The following ZNF385D variants were observed in gnomAD, a reference collection of about 807,000 sequenced individuals.
ZNF385D encodes zinc finger protein 385D.
Under a neutral mutation model 35.8 loss-of-function variants are expected in ZNF385D, and 15 were observed. The observed-to-expected ratio is 0.42, with a 90% CI of 0.28 to 0.64. The LOEUF is 0.64. Ranked by LOEUF, ZNF385D falls within the 30% of genes least tolerant of loss-of-function variation. The pLI is 0.23. For missense variants in ZNF385D, 474 were observed against 494.6 expected (o/e 0.96, Z 0.39); for synonymous variants, 212 against 186.8 (o/e 1.13, Z -1.10).
intron 2 of ZNF385D, among the ~76,000 whole-genome samples, chr3:21,572,262 A>G (rs1055780967): frequency 1.1e-4 from 16 of 152,190 alleles, no homozygotes; most frequent in African/African-American, 3.9e-4. Context: ...TTTATAATAC[A>G]ATACTTGTAC....
chr3:21,879,058 A>G (rs1698132694), intron 3 of ZNF385D, among the ~76,000 whole-genome samples: 1 of 152,000 alleles, frequency 6.6e-6, no homozygotes, highest in Admixed American at 6.6e-5. Flanking sequence ...GTTATTTTTC[A>G]TCATTTGAAT....
At position 22,110,357 on chromosome 3, in the gene ZNF385D, T is replaced by C. The variant is rs540062915; in HGVS notation, c.325+58460A>G. Among the ~76,000 whole-genome samples, 3 of 152,160 alleles carry C rather than the reference T, an allele frequency of 2.0e-5. No individual in the cohort carries two copies. In the East Asian group the frequency reaches 5.8e-4, roughly 29 times the overall value. On this transcript the variant is annotated intron_variant, in intron 3 of 5. Transcript: ENST00000494108. ...TGCACACATATGTTTATTGCGGCAC[T>C]ATTCACAATAGCAAAGACTTGGAAC...
At chr3:22,152,946 G>C (rs1705338536) in intron 3 of ZNF385D, among the ~76,000 whole-genome samples, 1 of 152,132 alleles carries the variant, frequency 6.6e-6, no homozygotes, top group African/African-American at 2.4e-5. Context: ...ACAACCAATT[G>C]TGTGTACCTC....
At chr3:21,801,803 C>T (rs2072417737) in intron 3 of ZNF385D, among the ~76,000 whole-genome samples, 1 of 152,054 alleles carries the variant, frequency 6.6e-6, no homozygotes, top group South Asian at 2.1e-4. Flanking sequence ...TTTAGAGTGC[C>T]CGTCCTGACC....
At chr3:22,266,076 A>AC (rs1700881094) in intron 2 of ZNF385D, among the ~76,000 whole-genome samples, 1 of 151,934 alleles carries the variant, frequency 6.6e-6, no homozygotes, top group Admixed American at 6.6e-5. Flanking sequence ...AATGACTCCT[A>AC]CAGCCCTGGA....
chr3:21,834,703 C>T (rs550085513), intron 3 of ZNF385D, among the ~76,000 whole-genome samples: 1 of 152,264 alleles, frequency 6.6e-6, no homozygotes, highest in South Asian at 2.1e-4. Flanking sequence ...GGCTCTGTGT[C>T]CCCACCCAAA....
intron 2 of ZNF385D, among the ~76,000 whole-genome samples, chr3:22,182,315 T>A (rs1364346424): frequency 6.6e-6 from 1 of 152,148 alleles, no homozygotes; most frequent in Non-Finnish European, 1.5e-5. Flanking sequence ...CAAAACCATG[T>A]TTTTTAGTTA....
At chr3:22,202,993 T>C (rs186732057) in intron 2 of ZNF385D, among the ~76,000 whole-genome samples, 1 of 152,200 alleles carries the variant, frequency 6.6e-6, no homozygotes, top group African/African-American at 2.4e-5. Flanking sequence ...AGGCAAATCC[T>C]AGTGGTGTGC....
chr3:21,911,240 G>C (rs562913976), intron 3 of ZNF385D, among the ~76,000 whole-genome samples: 1 of 151,880 alleles, frequency 6.6e-6, no homozygotes, highest in African/African-American at 2.4e-5. Context: ...AAAAAATTAA[G>C]GTTTTTATGA....
intron 2 of ZNF385D, among the ~76,000 whole-genome samples, chr3:22,304,990 G>T (rs566761667): frequency 1.3e-5 from 2 of 151,994 alleles, no homozygotes; most frequent in South Asian, 4.2e-4. Context: ...TGTCAATTTT[G>T]CTTTTTATTA....
At position 22,307,755 on chromosome 3, in the gene ZNF385D, A is replaced by AC. The variant is rs1034709420; in HGVS notation, c.106+64694_106+64695insG. 7.8e-4 allele frequency among the ~76,000 whole-genome samples: 119 copies of AC among 152,100 alleles called. 1 individual carries two copies. Among genetic ancestry groups the AC allele is most frequent in the South Asian group, 1.7e-3 (8 of 4,822 alleles). On this transcript the variant is annotated intron_variant, in intron 2 of 5. Coordinates refer to the ZNF385D transcript ENST00000494108. ...TTTATTGCCTCTGTTTTAAAAAAAA[A>AC]AAAAAAACTTTCTTTCTTAGGGTAA...
intron 2 of ZNF385D, among the ~76,000 whole-genome samples, chr3:22,220,793 A>C (rs1698207940): frequency 2.0e-5 from 3 of 152,044 alleles, no homozygotes; most frequent in Admixed American, 6.6e-5. Flanking sequence ...ACTTTCCCTA[A>C]GTATTATTTT....
chr3:21,495,725 T>C (rs1164009381), intron 4 of ZNF385D, among the ~76,000 whole-genome samples: 4 of 151,852 alleles, frequency 2.6e-5, no homozygotes, highest in Non-Finnish European at 4.4e-5. Flanking sequence ...GAAAGTGAGA[T>C]GTAAAAAAAC....
intron 2 of ZNF385D, among the ~76,000 whole-genome samples, chr3:22,242,270 G>C (rs982450431): frequency 2.0e-5 from 3 of 151,078 alleles, no homozygotes; most frequent in Non-Finnish European, 4.4e-5. Context: ...GGTGATTACT[G>C]TTTGTGGCTT....
intron 1 of ZNF385D, among the ~76,000 whole-genome samples, chr3:21,689,354 C>T (rs922071291): frequency 5.3e-5 from 8 of 152,080 alleles, no homozygotes; most frequent in Admixed American, 2.6e-4. Flanking sequence ...AGCATAAGCT[C>T]GATTCAACTT....
At chr3:21,601,562 A>G (rs2064291359) in intron 2 of ZNF385D, among the ~76,000 whole-genome samples, 2 of 152,228 alleles carry the variant, frequency 1.3e-5, no homozygotes, top group Admixed American at 6.5e-5. Flanking sequence ...TACCAGAGCA[A>G]CTTCTTCACT....
intron 3 of ZNF385D, among the ~76,000 whole-genome samples, chr3:21,788,005 A>G (rs972035823): frequency 1.5e-4 from 23 of 151,262 alleles, no homozygotes; most frequent in African/African-American, 5.6e-4. Flanking sequence ...GCAATAGTTA[A>G]TAACCTCAGA....
intron 3 of ZNF385D, among the ~76,000 whole-genome samples, chr3:21,845,395 G>A (rs148269019): frequency 1.3e-5 from 2 of 151,858 alleles, no homozygotes; most frequent in Admixed American, 6.6e-5. Context: ...TACGACTAAC[G>A]CTATTATATT....
intron 1 of ZNF385D, among the ~76,000 whole-genome samples, chr3:21,715,246 C>G (rs1325389785): frequency 1.3e-5 from 2 of 152,134 alleles, no homozygotes; most frequent in Non-Finnish European, 2.9e-5. Flanking sequence ...TCTCCTCTCA[C>G]CCCATTACTC....
Sources: gnomAD v4.1 joint callset for allele counts (sites outside exome capture counted in the v4.1 genomes callset) on GRCh38, gnomAD v4.1.1 for gene constraint, MANE v1.5 for transcripts, NCBI Gene and HGNC (gene_info 2026-07-23, HGNC 2026-07-21) for gene names.